The following PHF14 variants were observed in gnomAD, a reference collection of about 807,000 sequenced individuals.
PHF14 encodes PHD finger protein 14.
Under a neutral mutation model 117.9 loss-of-function variants are expected in PHF14, and 55 were observed. The ratio of observed to expected loss-of-function variants is 0.47; its 90% confidence interval spans 0.38 to 0.58. PHF14 has a LOEUF of 0.58. Ranked by LOEUF, PHF14 falls within the 20% of genes least tolerant of loss-of-function variation. PHF14 has a pLI of 0.00. For synonymous variants in PHF14, 409 were observed against 368.6 expected (o/e 1.11, Z -1.26); for missense variants, 978 against 1,122.2 (o/e 0.87, Z 1.84).
intron 16 of PHF14, chr7:11,102,688 T>C: frequency 7.0e-7 from 1 of 1,433,282 alleles, no homozygotes. Context: ...TAGAATATAA[T>C]TGATTGGTTT....
intron 16 of PHF14, among the ~76,000 whole-genome samples, chr7:11,081,012 CA>C (rs1355494204): frequency 6.6e-6 from 1 of 151,862 alleles, no homozygotes; most frequent in Non-Finnish European, 1.5e-5. Context: ...TTTATGTAAC[CA>C]AAAGCCATTT....
chr7:11,103,621 A>T (rs1787164742), intron 16 of PHF14: 1 of 984,982 alleles, frequency 1.0e-6, no homozygotes, highest in African/African-American at 1.7e-5. Flanking sequence ...TGTAATTTGG[A>T]ATTTTCTGAT....
intron 6 of PHF14, among the ~76,000 whole-genome samples, chr7:11,024,756 G>T (rs779356968): frequency 8.5e-5 from 13 of 152,138 alleles, no homozygotes; most frequent in Non-Finnish European, 1.8e-4. Context: ...ACTGCTTATC[G>T]ACAGTGCACC....
Position 11,006,851 on chromosome 7 carries a change from T to G in PHF14, c.1046-6896T>G, listed in dbSNP as rs557735806. 2.1e-3 allele frequency: 1,363 copies of G among 647,794 alleles called. 10 individuals are homozygous for G. The highest frequency in any genetic ancestry group is 0.019 in the African/African-American group (1,064 of 55,062). 40.1% of individuals were successfully genotyped at this position (647,794 alleles called of 1,614,324 possible). A position where few individuals can be genotyped will look rare whatever the true frequency, so the allele number is the denominator to read the frequency against. ...AGCTTTAGGAGGGACAGGAGCTTCCTTCACTTTCGGCACTGTCTTGTGAAA... is the reference window on the plus strand; with the variant it reads ...AGCTTTAGGAGGGACAGGAGCTTCCGTCACTTTCGGCACTGTCTTGTGAAA... On this transcript the variant is annotated intron_variant, in intron 4 of 17. Coordinates refer to ENST00000634607, the MANE Select transcript of PHF14 (RefSeq NM_001007157.2).
At chr7:10,983,449 C>T (rs1352674828) in intron 3 of PHF14, among the ~76,000 whole-genome samples, 2 of 152,138 alleles carry the variant, frequency 1.3e-5, no homozygotes, top group African/African-American at 4.8e-5. Context: ...TTTCCATTCT[C>T]CTTTTTATCC....
At chr7:11,004,603 G>T (rs1441196770) in intron 4 of PHF14, among the ~76,000 whole-genome samples, 1 of 150,822 alleles carries the variant, frequency 6.6e-6, no homozygotes, top group African/African-American at 2.4e-5. Flanking sequence ...AAGAATCTTA[G>T]TTTTTATAAT....
intron 17 of PHF14, among the ~76,000 whole-genome samples, chr7:11,138,216 AT>A (rs1408317355): frequency 3.2e-4 from 48 of 151,526 alleles, no homozygotes; most frequent in African/African-American, 1.1e-3. Flanking sequence ...AATTTTTTGT[AT>A]TTTTTAGTAG....
intron 14 of PHF14, among the ~76,000 whole-genome samples, chr7:11,057,145 T>A (rs1250453504): frequency 2.6e-5 from 4 of 152,174 alleles, no homozygotes. Flanking sequence ...CAAGTGAATA[T>A]GTGAAGCCTA....
chr7:11,037,918 A>G (rs554145884), intron 10 of PHF14, among the ~76,000 whole-genome samples: 27 of 152,182 alleles, frequency 1.8e-4, no homozygotes, highest in Non-Finnish European at 3.1e-4. Flanking sequence ...TCATTGGGAA[A>G]ATAGTGGAAA....
intron 3 of PHF14, among the ~76,000 whole-genome samples, chr7:10,989,193 T>C (rs369082948): frequency 5.9e-5 from 9 of 152,330 alleles, no homozygotes; most frequent in East Asian, 3.9e-4. Context: ...TTTACAAATC[T>C]GCCGCAATTT....
Position 11,091,049 on chromosome 7 carries a change from A to G in PHF14, c.2655-20301A>G, listed in dbSNP as rs368347508. 8.5e-5 allele frequency among the ~76,000 whole-genome samples: 13 copies of G among 152,324 alleles called. No individual in the cohort carries two copies. The East Asian group carries it at 2.5e-3, about 29-fold the overall frequency. ...ATGTTAAGGGGTCCAATGGAGATTT[A>G]TTGAAGACAAGGGATGATACAAAGG... On this transcript the variant is annotated intron_variant, in intron 16 of 17. Transcript: ENST00000634607.
At chr7:10,996,850 G>T (rs1782669314) in intron 4 of PHF14, among the ~76,000 whole-genome samples, 1 of 152,192 alleles carries the variant, frequency 6.6e-6, no homozygotes, top group Non-Finnish European at 1.5e-5. Context: ...GCCAAAGATA[G>T]GCACACTCTC....
At chr7:11,017,285 TA>T in intron 5 of PHF14, among the ~76,000 whole-genome samples, 1 of 152,288 alleles carries the variant, frequency 6.6e-6, no homozygotes, top group Admixed American at 6.5e-5. Context: ...GTTGCTGGAT[TA>T]TATGGCAGCT....
rs1437203337 is a variant in PHF14, at chr7:11,122,334, TA to T, written c.2772+10868del. Among the ~76,000 whole-genome samples, 111 of 86,624 alleles carry T rather than the reference TA, an allele frequency of 1.3e-3. 2 individuals are homozygous for T. Among genetic ancestry groups the T allele is most frequent in the Non-Finnish European group, 1.7e-3 (83 of 47,994 alleles). 56.8% of individuals were successfully genotyped at this position (86,624 alleles called of 152,430 possible). On this transcript the variant is annotated intron_variant, in intron 17 of 17. Coordinates refer to ENST00000634607, the MANE Select transcript of PHF14 (RefSeq NM_001007157.2). The stretch of plus-strand genomic sequence containing the variant: ...GGGAGATTACTGTTTGTACTTTTTA[TA>T]TATATATATATATATATACACACAC...
chr7:11,030,155 C>A (rs1583389056), intron 7 of PHF14, among the ~76,000 whole-genome samples: 1 of 150,622 alleles, frequency 6.6e-6, no homozygotes, highest in East Asian at 1.9e-4. Context: ...ATCTTCTCAG[C>A]TACTAGGTAG....
chr7:11,140,486 A>G (rs1054211389), intron 17 of PHF14, among the ~76,000 whole-genome samples: 4 of 152,136 alleles, frequency 2.6e-5, no homozygotes. Context: ...TATGTACAGT[A>G]TAGGAGAAAG....
intron 16 of PHF14, among the ~76,000 whole-genome samples, chr7:11,100,399 C>T (rs1307456890): frequency 6.6e-6 from 1 of 151,958 alleles, no homozygotes; most frequent in Admixed American, 6.6e-5. Flanking sequence ...GTTCTTACAA[C>T]AGTCCTATGA....
intron 17 of PHF14, among the ~76,000 whole-genome samples, chr7:11,125,213 A>C (rs564660394): frequency 3.9e-5 from 6 of 152,078 alleles, no homozygotes; most frequent in Non-Finnish European, 7.4e-5. Context: ...ATTTTACCTC[A>C]GTCAAATCTT....
chr7:11,051,659 A>C lies in PHF14; in HGVS notation c.2360A>C (p.Asp787Ala). ...DQAGSSDMEA[D>A]MAMETLPDGT... ...GCAGGGAGCAGTGACATGGAAGCAG[A>C]TATGGCCATGGAAACCCTACCAGAT... is the stretch of plus-strand genomic sequence containing the variant. Residue 787 changes from aspartate (D) to alanine (A), a missense_variant, in exon 14 of 18, where the codon GAT (aspartate) becomes GCT (alanine). Asp to Ala is a moderately radical substitution (Grantham distance 126). Coordinates refer to ENST00000634607, the MANE Select transcript of PHF14 (RefSeq NM_001007157.2). 6.2e-7 allele frequency: 1 copy of C among 1,613,694 alleles called. No individual in the cohort carries two copies. Among genetic ancestry groups the C allele is most frequent in the Non-Finnish European group, 8.5e-7 (1 of 1,179,718 alleles).
Sources: allele counts gnomAD v4.1 joint callset (sites outside exome capture counted in the v4.1 genomes callset), GRCh38; gene constraint gnomAD v4.1.1; transcripts MANE v1.5; gene names NCBI Gene and HGNC (gene_info 2026-07-23, HGNC 2026-07-21).